Variants in SEPTIN3 observed in about 807,000 individuals in gnomAD.
SEPTIN3 encodes the protein septin 3.
A neutral mutation model predicts 45.1 loss-of-function variants in SEPTIN3; 15 were observed. That is an observed-to-expected ratio of 0.33 (90% CI 0.22 to 0.51). The LOEUF (loss-of-function observed/expected upper bound fraction) is 0.51, where lower values mean the gene tolerates loss of function less well. Ranked by LOEUF, SEPTIN3 falls within the 20% of genes least tolerant of loss-of-function variation. The probability of loss-of-function intolerance (pLI) is 0.97; values close to 1 mark genes in which losing one functional copy is unlikely to be tolerated. For synonymous variants in SEPTIN3, 148 were observed against 164.8 expected (o/e 0.90, Z 0.78); for missense variants, 289 against 457.2 (o/e 0.63, Z 3.35).
intron 3 of SEPTIN3, chr22:41,982,065 C>T (rs1602414302): frequency 3.5e-6 from 2 of 564,076 alleles, no homozygotes; most frequent in East Asian, 5.9e-5. Context: ...ATCACCAGCT[C>T]GGTGTACACA....
At chr22:41,995,957 A>G in intron 11 of SEPTIN3, 1 of 984,932 alleles carries the variant, frequency 1.0e-6, no homozygotes, top group Non-Finnish European at 1.2e-6. Context: ...TTTGGCTTCA[A>G]AGACAAATTT....
intron 6 of SEPTIN3, 121 bp from the exon 7 acceptor site, chr22:41,989,446 C>T (rs894585677): frequency 4.2e-6 from 3 of 714,540 alleles, no homozygotes; most frequent in African/African-American, 3.5e-5. Context: ...GTAGCAGCCT[C>T]TTGGCCTCAG....
chr22:41,989,312 G>A (rs954428215), intron 6 of SEPTIN3, among the ~76,000 whole-genome samples: 5 of 152,174 alleles, frequency 3.3e-5, no homozygotes, highest in African/African-American at 1.2e-4. Context: ...AAGATGTCCT[G>A]AAGTGGTGGT....
intron 11 of SEPTIN3, chr22:41,995,830 G>C: frequency 1.1e-6 from 1 of 884,706 alleles, no homozygotes; most frequent in Non-Finnish European, 1.4e-6. Context: ...CCAGTGTCCA[G>C]TTAAAGGAAG....
chr22:41,974,991 G>A (rs2078003605), intron 2 of SEPTIN3, among the ~76,000 whole-genome samples: 1 of 149,856 alleles, frequency 6.7e-6, no homozygotes, highest in Non-Finnish European at 1.5e-5. Flanking sequence ...GTGAGATAAT[G>A]ACCTCACTCG....
rs187211110 is a variant in SEPTIN3, at chr22:41,996,847, G to A, written c.2506-55G>A. On this transcript the variant is annotated intron_variant, in intron 11 of 11. Transcript: ENST00000644076. Reference sequence around the variant, plus strand: ...CCTCCCTGGAGAAGGTATTTTATATGTCTGCTGCCAGCTGCTGGTCTCCAC... The same window carrying A: ...CCTCCCTGGAGAAGGTATTTTATATATCTGCTGCCAGCTGCTGGTCTCCAC... 9.4e-4 allele frequency: 1,518 copies of A among 1,609,482 alleles called. 4 individuals carry two copies. Among genetic ancestry groups the A allele is most frequent in the South Asian group, 3.1e-3 (278 of 90,614 alleles).
chr22:41,973,965 G>A (rs1192515702), intron 2 of SEPTIN3, among the ~76,000 whole-genome samples: 1 of 151,920 alleles, frequency 6.6e-6, no homozygotes, highest in Non-Finnish European at 1.5e-5. Context: ...TGGTGACAGA[G>A]TAAGACTCTG....
At chr22:41,987,829 A>T in intron 6 of SEPTIN3, 70 bp downstream of exon 6, 1 of 1,532,364 alleles carries the variant, frequency 6.5e-7, no homozygotes, top group Non-Finnish European at 8.9e-7. Flanking sequence ...TCTGGATTGG[A>T]TGATCCATAC....
intron 7 of SEPTIN3, among the ~76,000 whole-genome samples, chr22:41,990,819 T>G (rs1009512795): frequency 1.3e-5 from 2 of 149,460 alleles, no homozygotes; most frequent in African/African-American, 2.5e-5. Flanking sequence ...ATCCCAGCAC[T>G]TTGGGAGGCC....
chr22:41,977,332 C>T (rs1035220304), intron 2 of SEPTIN3, among the ~76,000 whole-genome samples: 3 of 152,016 alleles, frequency 2.0e-5, no homozygotes, highest in Non-Finnish European at 2.9e-5. Context: ...AAGCCCCATG[C>T]TGGAGTACAC....
At chr22:41,996,843 A>G in intron 11 of SEPTIN3, 59 bp from the exon 12 acceptor site, 2 of 1,608,462 alleles carry the variant, frequency 1.2e-6, no homozygotes, top group Admixed American at 1.7e-5. Context: ...AAGGTATTTT[A>G]TATGTCTGCT....
rs995227275 is a variant in SEPTIN3 at position 41,971,753 on chromosome 22, C to T, written c.261C>T (p.Ile87=). 30 of 399,068 alleles carry T rather than the reference C, an allele frequency of 7.5e-5. No homozygotes were observed. Among genetic ancestry groups the T allele is most frequent in the African/African-American group, 4.9e-4 (24 of 48,620 alleles). The allele number at this position is 399,068 out of a possible 1,614,324, so 24.7% of individuals were successfully genotyped here. The change falls in exon 2 of 12, where the codon ATC becomes ATT. Residue 87 remains isoleucine, a synonymous_variant. Transcript: ENST00000644076. ...GTGTGCCCCCACAGGAGACGGGCAT[C>T]GCTCTGGGGGCTTCCTTGAGCCCCC... ...TRSVPPQETG[I]ALGASLSPLP...
intron 2 of SEPTIN3, 81 bp from the exon 3 acceptor site, chr22:41,981,564 A>C: frequency 9.1e-6 from 11 of 1,204,550 alleles, no homozygotes; most frequent in South Asian, 2.9e-5. Context: ...TTCTGTAGCA[A>C]GAGAAAAATA....
chr22:41,992,784 G>A, intron 9 of SEPTIN3, 21 bp downstream of exon 9: 1 of 1,507,942 alleles, frequency 6.6e-7, no homozygotes, highest in Non-Finnish European at 9.2e-7. Flanking sequence ...GCATCTTCTG[G>A]AAGAACTGGT....
rs1307126834 is a variant in SEPTIN3, at chr22:41,974,722, T to TA, written c.1504+1732dup. On this transcript the variant is annotated intron_variant, in intron 2 of 11. Transcript: ENST00000644076. ...CAACATGATGAAACCCCGTCTCTAC[T>TA]AAAAAATACAAAAAATTAGCCAGGT... is the stretch of plus-strand genomic sequence containing the variant. Among the ~76,000 whole-genome samples the TA allele has an allele frequency of 4.1e-5, 6 of 147,436 alleles. No homozygotes were observed. In the East Asian group the frequency reaches 9.9e-4, roughly 24 times the overall value.
intron 8 of SEPTIN3, 145 bp downstream of exon 8, chr22:41,991,813 G>C (rs573364914): frequency 1.5e-6 from 1 of 680,388 alleles, no homozygotes; most frequent in East Asian, 2.6e-5. Context: ...TAGGGGGATG[G>C]GGAGGACTAT....
intron 6 of SEPTIN3, 116 bp downstream of exon 6, chr22:41,987,875 C>T: frequency 9.4e-7 from 1 of 1,067,128 alleles, no homozygotes; most frequent in East Asian, 2.5e-5. Flanking sequence ...TGAGTCCTAG[C>T]CCTTCCAGCC....
At position 41,989,605 on chromosome 22, in the gene SEPTIN3, G is replaced by T. The variant is rs775244301; in HGVS notation, c.2084G>T (p.Ser695Ile). ...PLDLEFMKHL[S>I]KVVNIIPVIA... ...GATCTTGAGTTCATGAAACACCTCA[G>T]CAAGGTTGTGAACATCATCCCTGTC... is the stretch of plus-strand genomic sequence containing the variant. The change falls in exon 7 of 12, where the codon AGC becomes ATC. Residue 695 changes from serine (S) to isoleucine (I), a missense_variant. Ser to Ile is a moderately radical substitution (Grantham distance 142). Around this residue, in one of 3 missense-constraint regions of SEPTIN3, gnomAD observed 200 missense variants for 315.1 expected, o/e 0.63. Transcript: ENST00000644076. 7 of 1,613,952 alleles carry T rather than the reference G, an allele frequency of 4.3e-6. No individual in the cohort carries two copies. The African/African-American group carries it at 9.3e-5, about 22-fold the overall frequency.
Position 41,995,629 on chromosome 22 carries a change from C to T in SEPTIN3, c.2505+915C>T, listed in dbSNP as rs544887926. 250 of 985,344 alleles carry T rather than the reference C, an allele frequency of 2.5e-4. No homozygotes were observed. The African/African-American group carries it at 4.2e-3, about 16-fold the overall frequency. The allele number at this position is 985,344 out of a possible 1,614,324, so 61.0% of individuals were successfully genotyped here. A position where few individuals can be genotyped will look rare whatever the true frequency, so the allele number is the denominator to read the frequency against. ...ATATTTAGCATTTATGCCCAGTCTA[C>T]TTCCAGAAATGACTTTAGACTGCCT... On this transcript the variant is annotated intron_variant, in intron 11 of 11. Coordinates refer to ENST00000644076, the MANE Select transcript of SEPTIN3 (RefSeq NM_001363845.2).
Sources: gnomAD v4.1 joint callset for allele counts (sites outside exome capture counted in the v4.1 genomes callset) on GRCh38, gnomAD v4.1.1 for gene constraint, gnomAD v4.1.1 regional missense constraint, MANE v1.5 for transcripts, NCBI Gene and HGNC (gene_info 2026-07-23, HGNC 2026-07-21) for gene names.